The following MSI2 variants were observed in gnomAD, a reference collection of about 807,000 sequenced individuals.
The protein encoded by MSI2 is musashi RNA binding protein 2, also known as RNA-binding protein Musashi homolog 2.
MSI2 carries 17 observed loss-of-function variants against 45.6 expected under a neutral mutation model. The ratio of observed to expected loss-of-function variants is 0.37; its 90% confidence interval spans 0.26 to 0.56. The LOEUF is 0.56. MSI2 is among the 20% of genes least tolerant of loss of function. MSI2 has a pLI of 0.77. For synonymous variants in MSI2, 156 were observed against 158.2 expected (o/e 0.99, Z 0.11); for missense variants, 293 against 444.2 (o/e 0.66, Z 3.06).
intron 6 of MSI2, among the ~76,000 whole-genome samples, chr17:57,476,786 T>C (rs373262265): frequency 1.3e-5 from 2 of 152,164 alleles, no homozygotes. Flanking sequence ...GGTGAGAACA[T>C]TGAGATTCAC....
At chr17:57,296,891 T>C (rs932999585) in intron 5 of MSI2, among the ~76,000 whole-genome samples, 1 of 152,236 alleles carries the variant, frequency 6.6e-6, no homozygotes, top group African/African-American at 2.4e-5. Flanking sequence ...TTTTTGTTTT[T>C]TGAGATGGAG....
intron 11 of MSI2, among the ~76,000 whole-genome samples, chr17:57,669,101 C>T (rs375944273): frequency 2.0e-5 from 3 of 152,204 alleles, no homozygotes; most frequent in Non-Finnish European, 4.4e-5. Flanking sequence ...AATTCATAAC[C>T]GAGTATTCTC....
Position 57,258,366 on chromosome 17 carries a change from TTTG to T in MSI2, c.270+24_270+26del, listed in dbSNP as rs775394282. ...TAGATTCCAAGACGGTAGGTTGCTTTTTGTTGTTGTTGTTCGCCCCTTTTCAGG... is the reference window on the plus strand; with the variant it reads ...TAGATTCCAAGACGGTAGGTTGCTTTTTGTTGTTGTTCGCCCCTTTTCAGG... On this transcript the variant is annotated intron_variant, in intron 4 of 13. Coordinates refer to ENST00000284073, the MANE Select transcript of MSI2 (RefSeq NM_138962.4). 2.1e-5 allele frequency: 34 copies of T among 1,608,792 alleles called. No individual in the cohort carries two copies. Among genetic ancestry groups the T allele is most frequent in the South Asian group, 7.7e-5 (7 of 90,986 alleles).
chr17:57,615,054 C>G (rs1253682019), intron 8 of MSI2, among the ~76,000 whole-genome samples: 2 of 151,684 alleles, frequency 1.3e-5, no homozygotes, highest in African/African-American at 4.8e-5. Flanking sequence ...CATTGCTGAC[C>G]TAGAAATTCT....
At chr17:57,677,753 A>AT (rs1486094701) in intron 13 of MSI2, among the ~76,000 whole-genome samples, 3 of 152,152 alleles carry the variant, frequency 2.0e-5, no homozygotes, top group Non-Finnish European at 4.4e-5. Flanking sequence ...TTAATTAAAC[A>AT]TTTTTTCAAT....
intron 6 of MSI2, among the ~76,000 whole-genome samples, chr17:57,434,161 G>A (rs903677162): frequency 1.3e-5 from 2 of 152,138 alleles, no homozygotes; most frequent in African/African-American, 4.8e-5. Context: ...GTGCAGTGGT[G>A]TGATCTTGGC....
intron 5 of MSI2, among the ~76,000 whole-genome samples, chr17:57,270,724 G>A (rs1321056699): frequency 6.6e-6 from 1 of 152,208 alleles, no homozygotes; most frequent in Non-Finnish European, 1.5e-5. Flanking sequence ...TAGGGTGATA[G>A]CTGCATGTTG....
intron 6 of MSI2, among the ~76,000 whole-genome samples, chr17:57,490,083 C>G (rs2143800350): frequency 6.6e-6 from 1 of 152,202 alleles, no homozygotes. Context: ...CTGTGGCTCT[C>G]TCCCAGGGCA....
intron 6 of MSI2, among the ~76,000 whole-genome samples, chr17:57,473,279 A>G (rs1309382263): frequency 6.6e-6 from 1 of 152,168 alleles, no homozygotes; most frequent in African/African-American, 2.4e-5. Flanking sequence ...GGATTTGCCC[A>G]TGTATTTTGT....
At position 57,295,992 on chromosome 17, in the gene MSI2, C is replaced by CTTTTTTTTTTTTTTTTTTTTTT. The variant is rs386386327; in HGVS notation, c.312+33813_312+33834dup. On this transcript the variant is annotated intron_variant, in intron 5 of 13. Coordinates refer to ENST00000284073, the MANE Select transcript of MSI2 (RefSeq NM_138962.4). ...TGAGTTACCAGTTCACGCAGCCTTC[C>CTTTTTTTTTTTTTTTTTTTTTT]TTTTTTTTTTTTTTTTTTTTTTTTT... 1.0e-4 allele frequency among the ~76,000 whole-genome samples: 4 copies of CTTTTTTTTTTTTTTTTTTTTTT among 38,654 alleles called. 1 individual carries two copies. Among genetic ancestry groups the CTTTTTTTTTTTTTTTTTTTTTT allele is most frequent in the African/African-American group, 2.7e-4 (4 of 14,796 alleles). The allele number at this position is 38,654 out of a possible 152,430, so 25.4% of individuals were successfully genotyped here.
intron 6 of MSI2, among the ~76,000 whole-genome samples, chr17:57,528,372 G>C (rs930085993): frequency 1.3e-5 from 2 of 152,170 alleles, no homozygotes; most frequent in Non-Finnish European, 2.9e-5. Context: ...TGTGGACCCT[G>C]AAATCTTATT....
chr17:57,264,087 T>G (rs1356142158), intron 5 of MSI2: 1 of 152,172 alleles, frequency 6.6e-6, no homozygotes, highest in Non-Finnish European at 1.5e-5. Context: ...TTGTGTAGAG[T>G]AAAAGAGCAT....
intron 5 of MSI2, among the ~76,000 whole-genome samples, chr17:57,297,050 T>A (rs1911020933): frequency 6.6e-6 from 1 of 152,090 alleles, no homozygotes. Context: ...AATTTTTGTA[T>A]TTTTAGTAGA....
intron 6 of MSI2, among the ~76,000 whole-genome samples, chr17:57,469,543 G>C (rs1037092221): frequency 6.6e-5 from 10 of 152,198 alleles, no homozygotes; most frequent in African/African-American, 2.4e-4. Context: ...TGAGGAAAGG[G>C]TTAAGGCTTA....
chr17:57,378,357 G>A (rs918527997), intron 5 of MSI2, among the ~76,000 whole-genome samples: 2 of 151,692 alleles, frequency 1.3e-5, no homozygotes, highest in Non-Finnish European at 2.9e-5. Context: ...TCCGCCTCCC[G>A]GGTTGAAGCA....
chr17:57,479,902 G>A (rs556214944), intron 6 of MSI2, among the ~76,000 whole-genome samples: 2 of 152,266 alleles, frequency 1.3e-5, no homozygotes, highest in South Asian at 2.1e-4. Context: ...TATATCCAAC[G>A]TTCTGCCAGC....
chr17:57,648,848 GATGACCC>G (rs1910897871), intron 10 of MSI2, among the ~76,000 whole-genome samples: 1 of 152,190 alleles, frequency 6.6e-6, no homozygotes, highest in African/African-American at 2.4e-5. Flanking sequence ...GCCTGCCCCA[GATGACCC>G]CGGCCTCCTC....
chr17:57,405,222 A>G (rs1339179489), intron 6 of MSI2, among the ~76,000 whole-genome samples: 1 of 152,154 alleles, frequency 6.6e-6, no homozygotes, highest in Non-Finnish European at 1.5e-5. Context: ...AAAGGGCCAG[A>G]TATTAAATAT....
At chr17:57,257,633 C>A in intron 3 of MSI2, 86 bp downstream of exon 3, 1 of 1,006,662 alleles carries the variant, frequency 9.9e-7, no homozygotes, top group Non-Finnish European at 1.5e-6. Flanking sequence ...AGTAGCTAAG[C>A]GGATTAGAAT....
Sources: gnomAD v4.1 joint callset for allele counts (sites outside exome capture counted in the v4.1 genomes callset) on GRCh38, gnomAD v4.1.1 for gene constraint, MANE v1.5 for transcripts, NCBI Gene and HGNC (gene_info 2026-07-23, HGNC 2026-07-21) for gene names.